TMEM178B: variants seen among roughly 807,000 people sequenced by gnomAD.
TMEM178B encodes transmembrane protein 178B.
A neutral mutation model predicts 31.0 loss-of-function variants in TMEM178B; 5 were observed. The observed-to-expected ratio is 0.16, with a 90% confidence interval of 0.08 to 0.34. The LOEUF is 0.34. TMEM178B is among the 10% of genes least tolerant of loss of function. TMEM178B has a pLI of 1.00. For synonymous variants in TMEM178B, 164 were observed against 164.0 expected (o/e 1.00, Z 0.00); for missense variants, 275 against 400.3 (o/e 0.69, Z 2.67).
At chr7:141,198,904 C>G (rs1304095910) in intron 1 of TMEM178B, among the ~76,000 whole-genome samples, 3 of 152,204 alleles carry the variant, frequency 2.0e-5, no homozygotes, top group Non-Finnish European at 2.9e-5. Context: ...TGAACTTTCC[C>G]AAAGGTCATT....
In TMEM178B at chr7:141,476,855, C is replaced by T. The variant is rs370261820; in HGVS notation, c.*6069C>T. 2.8e-4 allele frequency: 43 copies of T among 154,880 alleles called. 1 individual carries two copies. In the South Asian group the frequency reaches 4.9e-3, roughly 18 times the overall value. 9.6% of individuals were successfully genotyped at this position (154,880 alleles called of 1,614,324 possible). A position where few individuals can be genotyped will look rare whatever the true frequency, so the allele number is the denominator to read the frequency against. On this transcript the variant is annotated 3_prime_UTR_variant, in exon 4 of 4. Coordinates refer to ENST00000565468, the MANE Select transcript of TMEM178B (RefSeq NM_001195278.2). Reference sequence around the variant, plus strand: ...TCTGTAGATAGAGCCCAGCTGGTAACGGGGGAGCCACCCAACTGCAGGGGG... The same window carrying T: ...TCTGTAGATAGAGCCCAGCTGGTAATGGGGGAGCCACCCAACTGCAGGGGG...
At chr7:141,366,054 A>G (rs1417954137) in intron 2 of TMEM178B, among the ~76,000 whole-genome samples, 2 of 152,238 alleles carry the variant, frequency 1.3e-5, no homozygotes, top group Non-Finnish European at 2.9e-5. Context: ...TCTATAAAGC[A>G]TAGAGCGCCT....
At chr7:141,166,968 A>G (rs1206085322) in intron 1 of TMEM178B, among the ~76,000 whole-genome samples, 1 of 152,178 alleles carries the variant, frequency 6.6e-6, no homozygotes. Context: ...TCTCAGTCTC[A>G]TGTTAACTCT....
chr7:141,458,499 G>C (rs1229284928), intron 3 of TMEM178B, among the ~76,000 whole-genome samples: 1 of 152,180 alleles, frequency 6.6e-6, no homozygotes, highest in Non-Finnish European at 1.5e-5. Flanking sequence ...AGAATGAAGG[G>C]TCCTGAGTAA....
intron 1 of TMEM178B, among the ~76,000 whole-genome samples, chr7:141,139,382 C>T (rs1009181002): frequency 2.7e-5 from 4 of 149,746 alleles, no homozygotes; most frequent in South Asian, 4.1e-4. Context: ...GGCAGAGTCT[C>T]GCTGTTTTGC....
In TMEM178B at chr7:141,109,300, G is replaced by T. The variant is rs1739619180; in HGVS notation, c.382+34608G>T. 1.3e-5 allele frequency among the ~76,000 whole-genome samples: 2 copies of T among 152,202 alleles called. 1 individual carries two copies. Among genetic ancestry groups the T allele is most frequent in the South Asian group, 4.2e-4 (2 of 4,802 alleles). The stretch of plus-strand genomic sequence containing the variant: ...CAGGAAAAGGTAAGGGGTGGTGAAA[G>T]GGTGATGGGATCAATGTGTTGTAAG... On this transcript the variant is annotated intron_variant, in intron 1 of 3. Coordinates refer to ENST00000565468, the MANE Select transcript of TMEM178B (RefSeq NM_001195278.2).
chr7:141,320,558 A>G (rs1218814856), intron 2 of TMEM178B, among the ~76,000 whole-genome samples: 1 of 152,086 alleles, frequency 6.6e-6, no homozygotes, highest in African/African-American at 2.4e-5. Flanking sequence ...TGTCTCCTGA[A>G]GCTCAGGAAA....
intron 2 of TMEM178B, among the ~76,000 whole-genome samples, chr7:141,285,612 A>G (rs1262841031): frequency 6.6e-6 from 1 of 152,222 alleles, no homozygotes; most frequent in Non-Finnish European, 1.5e-5. Flanking sequence ...CCAAAGGATT[A>G]TAAATCATTC....
chr7:141,165,639 C>T (rs1452169026), intron 1 of TMEM178B, among the ~76,000 whole-genome samples: 2 of 152,198 alleles, frequency 1.3e-5, no homozygotes, highest in Admixed American at 6.5e-5. Context: ...CTCCTGGAAC[C>T]CCCTCCTTTC....
rs185085082 is a variant in TMEM178B at position 141,338,341 on chromosome 7, G to A, written c.497-99267G>A. On this transcript the variant is annotated intron_variant, in intron 2 of 3. Transcript: ENST00000565468. ...TCAATTATGTAATTGAGCATTCTCT[G>A]AACTTTTATTTATTCTCAACTTTGT... Among the ~76,000 whole-genome samples the A allele has an allele frequency of 2.6e-5, 4 of 152,290 alleles. No homozygotes were observed. In the East Asian group the frequency reaches 7.7e-4, roughly 29 times the overall value.
rs1021928767 is a variant in TMEM178B at position 141,474,589 on chromosome 7, T to C, written c.*3803T>C. The C allele has an allele frequency of 6.6e-6, 1 of 152,218 alleles. No homozygotes were observed. The highest frequency in any genetic ancestry group is 1.5e-5 in the Non-Finnish European group (1 of 68,062). 9.4% of individuals were successfully genotyped at this position (152,218 alleles called of 1,614,324 possible). ...CTCCTCCAAATCTAGACAAAGACTTTCTTAAGCGCCCTGAGCCCAGGTGCA... is the reference window on the plus strand; with the variant it reads ...CTCCTCCAAATCTAGACAAAGACTTCCTTAAGCGCCCTGAGCCCAGGTGCA... On this transcript the variant is annotated 3_prime_UTR_variant, in exon 4 of 4. Coordinates refer to ENST00000565468, the MANE Select transcript of TMEM178B (RefSeq NM_001195278.2).
At chr7:141,482,665 A>G (rs186390594), downstream of TMEM178B, among the ~76,000 whole-genome samples, 20 of 152,332 alleles carry the variant, frequency 1.3e-4, no homozygotes, top group Admixed American at 1.3e-3. Flanking sequence ...AGAACTCAGA[A>G]GAGCTACTAT....
chr7:141,439,516 A>G (rs1430858929), intron 3 of TMEM178B, among the ~76,000 whole-genome samples: 1 of 152,122 alleles, frequency 6.6e-6, no homozygotes, highest in African/African-American at 2.4e-5. Context: ...TTTCCACACT[A>G]TATTTTAGCA....
rs762374179 is a variant in TMEM178B at position 141,312,988 on chromosome 7, G to A, written c.496+100284G>A. Among the ~76,000 whole-genome samples, 38 of 152,308 alleles carry A rather than the reference G, an allele frequency of 2.5e-4. 1 individual carries two copies. The Middle Eastern group carries it at 0.014, about 55-fold the overall frequency. On this transcript the variant is annotated intron_variant, in intron 2 of 3. Transcript: ENST00000565468. ...TTACATCTTTGAGGGAGAAGATAAA[G>A]AATGCCTAGCTGTCTGGGAATGCAG...
At chr7:141,127,005 T>C (rs763182456) in intron 1 of TMEM178B, among the ~76,000 whole-genome samples, 1 of 152,072 alleles carries the variant, frequency 6.6e-6, no homozygotes, top group African/African-American at 2.4e-5. Context: ...TATTCAGCTG[T>C]GTGACCCTGT....
At chr7:141,387,309 TTA>T (rs1165017501) in intron 2 of TMEM178B, among the ~76,000 whole-genome samples, 4 of 152,202 alleles carry the variant, frequency 2.6e-5, no homozygotes, top group Admixed American at 6.5e-5. Flanking sequence ...CATTTTATTT[TTA>T]CAGTAACGCC....
intron 1 of TMEM178B, among the ~76,000 whole-genome samples, chr7:141,199,234 A>T (rs1796836140): frequency 6.6e-6 from 1 of 152,228 alleles, no homozygotes. Context: ...ATTAGGATAA[A>T]AAGGTGGTAG....
At chr7:141,079,096 C>T (rs759874917) in intron 1 of TMEM178B, among the ~76,000 whole-genome samples, 2 of 152,070 alleles carry the variant, frequency 1.3e-5, no homozygotes, top group Admixed American at 6.6e-5. Context: ...AGACCAGCCT[C>T]GCCAACATGG....
chr7:141,179,004 C>A (rs1017437903), intron 1 of TMEM178B, among the ~76,000 whole-genome samples: 2 of 152,166 alleles, frequency 1.3e-5, no homozygotes, highest in Non-Finnish European at 2.9e-5. Context: ...GGGTTCTCAG[C>A]TGACTTTTGC....
Sources: allele counts gnomAD v4.1 joint callset (sites outside exome capture counted in the v4.1 genomes callset), GRCh38; gene constraint gnomAD v4.1.1; transcripts MANE v1.5; gene names NCBI Gene and HGNC (gene_info 2026-07-23, HGNC 2026-07-21).